Variants in LCLAT1 observed in about 807,000 individuals in gnomAD.
LCLAT1 encodes lysocardiolipin acyltransferase 1, also known as 1-AGP acyltransferase 8.
Under a neutral mutation model 30.7 loss-of-function variants are expected in LCLAT1, and 11 were observed. That is an observed-to-expected ratio of 0.36 (90% CI 0.23 to 0.59). The LOEUF is 0.59. Ranked by LOEUF, LCLAT1 falls within the 20% of genes least tolerant of loss-of-function variation. LCLAT1 has a pLI of 0.77. For synonymous variants in LCLAT1, 155 were observed against 151.3 expected (o/e 1.02, Z -0.18); for missense variants, 402 against 458.6 (o/e 0.88, Z 1.13).
intron 1 of LCLAT1, among the ~76,000 whole-genome samples, chr2:30,462,273 G>A (rs1682190054): frequency 6.6e-6 from 1 of 152,164 alleles, no homozygotes; most frequent in South Asian, 2.1e-4. Flanking sequence ...CACTCAGTTT[G>A]TATCTCCAGT....
chr2:30,545,268 A>G (rs1034036157), intron 3 of LCLAT1, among the ~76,000 whole-genome samples: 10 of 152,146 alleles, frequency 6.6e-5, no homozygotes, highest in African/African-American at 1.9e-4. Context: ...GTGGTCAACT[A>G]TATACTGTTT....
Position 30,562,658 on chromosome 2 carries a change from A to G in LCLAT1, c.511+366A>G, listed in dbSNP as rs1327094280. Among the ~76,000 whole-genome samples, 4 of 152,222 alleles carry G rather than the reference A, an allele frequency of 2.6e-5. No individual in the cohort carries two copies. In the East Asian group the frequency reaches 5.8e-4, roughly 22 times the overall value. ...AGCGGTCATATTATTCATACTTGCC[A>G]TCTTTGAACTTTATATTTTAAGCCT... is the stretch of plus-strand genomic sequence containing the variant. On this transcript the variant is annotated intron_variant, in intron 4 of 5. Coordinates refer to ENST00000379509, the MANE Select transcript of LCLAT1 (RefSeq NM_001002257.3).
chr2:30,537,736 C>A (rs981149972), intron 3 of LCLAT1, among the ~76,000 whole-genome samples: 1 of 152,048 alleles, frequency 6.6e-6, no homozygotes, highest in African/African-American at 2.4e-5. Context: ...ACCAAGTGGA[C>A]CTAACAGATA....
At chr2:30,544,408 G>A (rs975024936) in intron 3 of LCLAT1, among the ~76,000 whole-genome samples, 1 of 152,190 alleles carries the variant, frequency 6.6e-6, no homozygotes, top group South Asian at 2.1e-4. Context: ...ATAATTAAGA[G>A]ATTACTTAGT....
intron 1 of LCLAT1, among the ~76,000 whole-genome samples, chr2:30,509,552 G>A (rs2148355736): frequency 6.6e-6 from 1 of 152,026 alleles, no homozygotes; most frequent in East Asian, 1.9e-4. Flanking sequence ...CCATATTTCA[G>A]GATTAGGTCA....
At chr2:30,562,524 A>C (rs1665282655) in intron 4 of LCLAT1, among the ~76,000 whole-genome samples, 1 of 152,056 alleles carries the variant, frequency 6.6e-6, no homozygotes, top group African/African-American at 2.4e-5. Flanking sequence ...AAACAAAACA[A>C]AACAGAAAAA....
At chr2:30,571,630 A>G (rs183088572) in intron 5 of LCLAT1, among the ~76,000 whole-genome samples, 31 of 152,318 alleles carry the variant, frequency 2.0e-4, no homozygotes, top group Non-Finnish European at 2.4e-4. Context: ...GTGGCATTTC[A>G]GTTACCCTTT....
At chr2:30,465,317 C>T (rs1401322696) in intron 1 of LCLAT1, among the ~76,000 whole-genome samples, 1 of 152,114 alleles carries the variant, frequency 6.6e-6, no homozygotes, top group Non-Finnish European at 1.5e-5. Context: ...CAAGGCATTC[C>T]CACAGCCATC....
chr2:30,635,751 A>T (rs11127282), intron 5 of LCLAT1, among the ~76,000 whole-genome samples: 1 of 151,994 alleles, frequency 6.6e-6, no homozygotes, highest in African/African-American at 2.4e-5. Flanking sequence ...AAAACTTACT[A>T]TGTGCCAAGT....
At position 30,615,897 on chromosome 2, in the gene LCLAT1, C is replaced by T. The variant is rs558798477; in HGVS notation, c.629-24220C>T. Among the ~76,000 whole-genome samples, 24 of 152,302 alleles carry T rather than the reference C, an allele frequency of 1.6e-4. No individual in the cohort carries two copies. The South Asian group carries it at 5.0e-3, about 32-fold the overall frequency. On this transcript the variant is annotated intron_variant, in intron 5 of 5. Coordinates refer to ENST00000379509, the MANE Select transcript of LCLAT1 (RefSeq NM_001002257.3). Reference sequence around the variant, plus strand: ...ATTGAATGATCAAGACTTATGACATCTATTCACATTGGAGTATAATCAGTG... The same window carrying T: ...ATTGAATGATCAAGACTTATGACATTTATTCACATTGGAGTATAATCAGTG...
intron 1 of LCLAT1, among the ~76,000 whole-genome samples, chr2:30,448,999 A>T (rs1386585871): frequency 1.3e-5 from 2 of 152,256 alleles, no homozygotes; most frequent in East Asian, 3.8e-4. Context: ...GTACTCTGCC[A>T]GGCACTGAAT....
chr2:30,461,373 ATTT>A (rs963512563), intron 1 of LCLAT1, among the ~76,000 whole-genome samples: 4 of 151,406 alleles, frequency 2.6e-5, no homozygotes, highest in African/African-American at 9.7e-5. Context: ...TAAGACCTAG[ATTT>A]TTTTTTATTT....
rs1322382196 is a variant in LCLAT1 at position 30,642,574 on chromosome 2, C to G, written c.*1955C>G. 1 of 151,898 alleles carries G rather than the reference C, an allele frequency of 6.6e-6. No homozygotes were observed. The highest frequency in any genetic ancestry group is 1.5e-5 in the Non-Finnish European group (1 of 67,974). The allele number at this position is 151,898 out of a possible 1,614,324, so 9.4% of individuals were successfully genotyped here. A position where few individuals can be genotyped will look rare whatever the true frequency, so the allele number is the denominator to read the frequency against. On this transcript the variant is annotated 3_prime_UTR_variant, in exon 6 of 6. Transcript: ENST00000379509. Reference sequence around the variant, plus strand: ...AAAAGAGGAGAGCTGTGCTTTCTACCCCAAAGTTGTTGGTAATGGAGCCGG... The same window carrying G: ...AAAAGAGGAGAGCTGTGCTTTCTACGCCAAAGTTGTTGGTAATGGAGCCGG...
intron 1 of LCLAT1, among the ~76,000 whole-genome samples, chr2:30,494,354 A>T (rs1275590931): frequency 6.6e-6 from 1 of 152,154 alleles, no homozygotes; most frequent in African/African-American, 2.4e-5. Context: ...TTTTTTCTTC[A>T]GAGGCTTTTA....
intron 5 of LCLAT1, among the ~76,000 whole-genome samples, chr2:30,622,799 G>C (rs1400966556): frequency 6.6e-6 from 1 of 152,102 alleles, no homozygotes; most frequent in Admixed American, 6.6e-5. Flanking sequence ...AAAAGAATCT[G>C]AACAGCAGCT....
chr2:30,544,430 C>T (rs951761921), intron 3 of LCLAT1, among the ~76,000 whole-genome samples: 6 of 152,144 alleles, frequency 3.9e-5, no homozygotes. Flanking sequence ...TCTCTTTATG[C>T]AATACAGGAA....
chr2:30,552,141 GT>G (rs1664708464), intron 3 of LCLAT1, among the ~76,000 whole-genome samples: 1 of 152,212 alleles, frequency 6.6e-6, no homozygotes, highest in Admixed American at 6.5e-5. Flanking sequence ...TTAGGAATCA[GT>G]TTTGCAACAG....
In LCLAT1 at chr2:30,469,897, T is replaced by G. The variant is rs115736507; in HGVS notation, c.-5+22514T>G. On this transcript the variant is annotated intron_variant, in intron 1 of 5. Coordinates refer to ENST00000379509, the MANE Select transcript of LCLAT1 (RefSeq NM_001002257.3). The stretch of plus-strand genomic sequence containing the variant: ...CATGAGCCACTGCACCTGGCCCTAA[T>G]TTTTGTATTTTTTAGTAGAGATGGC... Among the ~76,000 whole-genome samples the G allele has an allele frequency of 7.8e-3, 1,193 of 152,204 alleles. 4 individuals are homozygous for G. Among genetic ancestry groups the G allele is most frequent in the Middle Eastern group, 0.051 (15 of 294 alleles).
At chr2:30,563,806 A>G (rs186819827) in intron 4 of LCLAT1, among the ~76,000 whole-genome samples, 12 of 152,332 alleles carry the variant, frequency 7.9e-5, no homozygotes, top group Admixed American at 7.8e-4. Context: ...ATATTTAAGC[A>G]AGTGAATAGG....
Sources: allele counts gnomAD v4.1 joint callset (sites outside exome capture counted in the v4.1 genomes callset), GRCh38; gene constraint gnomAD v4.1.1; transcripts MANE v1.5; gene names NCBI Gene and HGNC (gene_info 2026-07-23, HGNC 2026-07-21).